ZMYND11: variants seen among roughly 807,000 people sequenced by gnomAD.
The protein encoded by ZMYND11 is zinc finger MYND-type containing 11.
ZMYND11 carries 9 observed loss-of-function variants against 84.9 expected under a neutral mutation model. The observed-to-expected ratio is 0.11, with a 90% CI of 0.06 to 0.18. The LOEUF is 0.18. Ranked by LOEUF, ZMYND11 falls within the 10% of genes least tolerant of loss-of-function variation. ZMYND11 has a pLI of 1.00. For missense variants in ZMYND11, 409 were observed against 761.0 expected, an observed-to-expected ratio of 0.54 and a Z score of 5.44; for synonymous variants, 250 against 244.1, an observed-to-expected ratio of 1.02 and a Z score of -0.23.
In ZMYND11 at chr10:183,056, A is replaced by G. The variant is rs541858194; in HGVS notation, c.116+2928A>G. 2.0e-5 allele frequency among the ~76,000 whole-genome samples: 3 copies of G among 152,352 alleles called. No homozygotes were observed. In the South Asian group the frequency reaches 6.2e-4, roughly 32 times the overall value. On this transcript the variant is annotated intron_variant, in intron 2 of 14. Transcript: ENST00000381604. ...ATTTTGACTGATGAGTGACGCCATT[A>G]TAAAAAAAGCTACACGGTTTTTGTC...
chr10:197,766 G>A, intron 2 of ZMYND11: 1 of 342,612 alleles, frequency 2.9e-6, no homozygotes, highest in Non-Finnish European at 5.3e-6. Flanking sequence ...GAGAAGTCAT[G>A]GTTGAGATTT....
At chr10:195,478 CTA>C (rs761603037) in intron 2 of ZMYND11, among the ~76,000 whole-genome samples, 7 of 152,274 alleles carry the variant, frequency 4.6e-5, no homozygotes, top group South Asian at 2.1e-4. Flanking sequence ...CTATAACAGA[CTA>C]TTATACTACA....
chr10:141,171 C>A (rs184766974), intron 1 of ZMYND11, among the ~76,000 whole-genome samples: 5 of 152,268 alleles, frequency 3.3e-5, no homozygotes, highest in Admixed American at 3.3e-4. Flanking sequence ...GTTCAAGTTA[C>A]TTCATAATTT....
At chr10:242,253 AAC>A (rs1951120288) in intron 10 of ZMYND11, 114 bp downstream of exon 10, 9 of 1,462,034 alleles carry the variant, frequency 6.2e-6, no homozygotes, top group African/African-American at 2.8e-5. Context: ...GGAAAAAAAA[AAC>A]ACATTATGCA....
intron 4 of ZMYND11, 84 bp from the exon 5 acceptor site, chr10:236,752 AAG>A: frequency 8.8e-7 from 1 of 1,133,410 alleles, no homozygotes; most frequent in Non-Finnish European, 1.3e-6. Flanking sequence ...CATACTATCT[AAG>A]TGTTTCATAT....
chr10:236,048 GA>G (rs1949906370), intron 4 of ZMYND11, among the ~76,000 whole-genome samples: 1 of 152,122 alleles, frequency 6.6e-6, no homozygotes, highest in Non-Finnish European at 1.5e-5. Context: ...CTAGTGACCT[GA>G]AAAAGTTAAA....
intron 2 of ZMYND11, among the ~76,000 whole-genome samples, chr10:190,492 C>G (rs1474061958): frequency 1.3e-5 from 2 of 152,184 alleles, no homozygotes; most frequent in Non-Finnish European, 2.9e-5. Context: ...CCAGACTCCT[C>G]CTTCAGGTGT....
At chr10:142,941 G>A (rs1837830403) in intron 1 of ZMYND11, among the ~76,000 whole-genome samples, 1 of 152,204 alleles carries the variant, frequency 6.6e-6, no homozygotes, top group South Asian at 2.1e-4. Context: ...TCAGGGGCAG[G>A]AGCACTGGAG....
At chr10:251,405 G>A (rs1589325138) in intron 14 of ZMYND11, among the ~76,000 whole-genome samples, 2 of 152,218 alleles carry the variant, frequency 1.3e-5, no homozygotes, top group South Asian at 2.1e-4. Context: ...CTGACATAAT[G>A]GATAATAATG....
chr10:187,684 A>G (rs1939118405), intron 2 of ZMYND11, among the ~76,000 whole-genome samples: 1 of 152,114 alleles, frequency 6.6e-6, no homozygotes, highest in Non-Finnish European at 1.5e-5. Context: ...ACAAGCTCCA[A>G]CATTTTGGCA....
chr10:143,205 G>A (rs974204363), intron 1 of ZMYND11, among the ~76,000 whole-genome samples: 6 of 152,282 alleles, frequency 3.9e-5, no homozygotes, highest in African/African-American at 7.2e-5. Context: ...TGTGAGAAGC[G>A]TATGGTAAAG....
At chr10:221,809 A>C (rs747251549) in intron 4 of ZMYND11, among the ~76,000 whole-genome samples, 7 of 151,808 alleles carry the variant, frequency 4.6e-5, no homozygotes, top group Non-Finnish European at 8.8e-5. Context: ...TCATATCATG[A>C]GTTTGTTTTT....
At chr10:187,491 G>A (rs1938984501) in intron 2 of ZMYND11, among the ~76,000 whole-genome samples, 1 of 151,992 alleles carries the variant, frequency 6.6e-6, no homozygotes, top group Non-Finnish European at 1.5e-5. Context: ...AAAATTAGCC[G>A]GGCGCGGTGG....
At chr10:174,766 G>T (rs1846187978) in intron 1 of ZMYND11, among the ~76,000 whole-genome samples, 1 of 151,718 alleles carries the variant, frequency 6.6e-6, no homozygotes, top group African/African-American at 2.4e-5. Context: ...GGGCACTACA[G>T]TGGCACATGC....
In ZMYND11 at chr10:221,175, T is replaced by C; in HGVS notation, c.277-20T>C. 6.2e-7 allele frequency: 1 copy of C among 1,610,098 alleles called. No individual in the cohort carries two copies. The highest frequency in any genetic ancestry group is 1.1e-5 in the South Asian group (1 of 90,578). ...ATATTGACAAAATGTCATACAAAACTATTTTGTACTTTTTTGTAGGACTGG... is the reference window on the plus strand; with the variant it reads ...ATATTGACAAAATGTCATACAAAACCATTTTGTACTTTTTTGTAGGACTGG... On this transcript the variant is annotated intron_variant, in intron 3 of 14. Transcript: ENST00000381604.
chr10:240,241 C>CA, intron 8 of ZMYND11, 130 bp downstream of exon 8: 1 of 774,182 alleles, frequency 1.3e-6, no homozygotes, highest in South Asian at 2.3e-5. Flanking sequence ...CGTGGGGGCT[C>CA]ACGCCTGTAA....
At chr10:167,135 AAAATGTTTTAGAAATAGG>A (rs1844191919) in intron 1 of ZMYND11, among the ~76,000 whole-genome samples, 1 of 152,116 alleles carries the variant, frequency 6.6e-6, no homozygotes, top group Non-Finnish European at 1.5e-5. Flanking sequence ...TGGGGTGATA[AAAATGTTTTAGAAATAGG>A]AAATGGTGAT....
At chr10:239,229 A>T (rs183079932) in intron 6 of ZMYND11, among the ~76,000 whole-genome samples, 4 of 152,210 alleles carry the variant, frequency 2.6e-5, no homozygotes, top group Non-Finnish European at 5.9e-5. Flanking sequence ...GCTGCGGGAT[A>T]TCTGACCTGC....
intron 2 of ZMYND11, among the ~76,000 whole-genome samples, chr10:190,901 G>T (rs1310432404): frequency 6.6e-6 from 1 of 151,730 alleles, no homozygotes; most frequent in Non-Finnish European, 1.5e-5. Context: ...TATATATATA[G>T]ATATATAATT....
Sources: allele counts gnomAD v4.1 joint callset (sites outside exome capture counted in the v4.1 genomes callset), GRCh38; gene constraint gnomAD v4.1.1; transcripts MANE v1.5; gene names NCBI Gene and HGNC (gene_info 2026-07-23, HGNC 2026-07-21).